Variants in FARS2 observed in about 807,000 individuals in gnomAD.
The protein encoded by FARS2 is phenylalanine--tRNA ligase, mitochondrial.
FARS2 carries 40 observed loss-of-function variants against 46.4 expected under a neutral mutation model. The observed-to-expected ratio is 0.86, with a 90% CI of 0.67 to 1.12. The LOEUF is 1.12. Among genes scored for constraint, FARS2 ranks in the 50% most tolerant of loss-of-function variants. The pLI is 0.00. For missense variants in FARS2, 513 were observed against 567.9 expected (o/e 0.90, Z 0.98); for synonymous variants, 234 against 214.9 (o/e 1.09, Z -0.78).
intron 4 of FARS2, among the ~76,000 whole-genome samples, chr6:5,483,120 AGATAC>A (rs1190427630): frequency 6.6e-6 from 1 of 152,212 alleles, no homozygotes; most frequent in East Asian, 1.9e-4. Flanking sequence ...GCTGGTGGAT[AGATAC>A]CCCAAACTGC....
intron 4 of FARS2, among the ~76,000 whole-genome samples, chr6:5,540,831 T>C (rs1360629548): frequency 6.6e-6 from 1 of 152,184 alleles, no homozygotes; most frequent in Non-Finnish European, 1.5e-5. Context: ...AATACTTCAA[T>C]GAAGTTTTAG....
At chr6:5,444,443 G>C (rs1764035247) in intron 4 of FARS2, among the ~76,000 whole-genome samples, 2 of 130,742 alleles carry the variant, frequency 1.5e-5, no homozygotes, top group East Asian at 4.8e-4. Context: ...CTCCAGCCTG[G>C]GTGACAAGGC....
chr6:5,658,296 A>T (rs999313386), intron 6 of FARS2, among the ~76,000 whole-genome samples: 1 of 151,460 alleles, frequency 6.6e-6, no homozygotes, highest in African/African-American at 2.4e-5. Flanking sequence ...AGTGCCTGGC[A>T]CAAAATAATT....
chr6:5,254,082 G>GT, the FARS2 span, among the ~76,000 whole-genome samples: 6 of 152,158 alleles, frequency 3.9e-5, no homozygotes, highest in African/African-American at 1.4e-4. Flanking sequence ...CGGCAAAACT[G>GT]TTTCATCTGA....
intron 6 of FARS2, among the ~76,000 whole-genome samples, chr6:5,617,144 TA>T (rs945999605): frequency 6.6e-6 from 1 of 151,962 alleles, no homozygotes; most frequent in Non-Finnish European, 1.5e-5. Context: ...AAAAAATAAA[TA>T]TTTTTCTAAA....
At chr6:5,491,306 C>T (rs1767093378) in intron 4 of FARS2, among the ~76,000 whole-genome samples, 1 of 152,018 alleles carries the variant, frequency 6.6e-6, no homozygotes, top group Non-Finnish European at 1.5e-5. Flanking sequence ...TGTTTTCTTC[C>T]CTGAAAATTT....
At chr6:5,675,561 C>G (rs767827711) in intron 6 of FARS2, among the ~76,000 whole-genome samples, 13 of 152,150 alleles carry the variant, frequency 8.5e-5, no homozygotes, top group Non-Finnish European at 1.5e-4. Context: ...TCCTGTTCAG[C>G]TAGGATAAAT....
chr6:5,563,766 G>A (rs147326089), intron 5 of FARS2, among the ~76,000 whole-genome samples: 9 of 151,992 alleles, frequency 5.9e-5, no homozygotes, highest in Non-Finnish European at 1.0e-4. Context: ...GAGTATACAG[G>A]GTCCAAATAC....
At chr6:5,564,673 C>T (rs1772223217) in intron 5 of FARS2, among the ~76,000 whole-genome samples, 1 of 152,186 alleles carries the variant, frequency 6.6e-6, no homozygotes, top group Non-Finnish European at 1.5e-5. Flanking sequence ...GTTATTTTTA[C>T]ATAGACCTTT....
At chr6:5,708,338 A>G (rs1019224552) in intron 6 of FARS2, among the ~76,000 whole-genome samples, 13 of 152,174 alleles carry the variant, frequency 8.5e-5, no homozygotes, top group Non-Finnish European at 1.8e-4. Flanking sequence ...TCACTCTCTT[A>G]TCAGGATGTG....
intron 4 of FARS2, among the ~76,000 whole-genome samples, chr6:5,542,673 A>C (rs1035668552): frequency 6.6e-6 from 1 of 152,238 alleles, no homozygotes; most frequent in Non-Finnish European, 1.5e-5. Flanking sequence ...CCAGTTGAGA[A>C]ATATTGGTTT....
chr6:5,733,410 ATTTTC>A (rs1554130379), intron 6 of FARS2, among the ~76,000 whole-genome samples: 3 of 152,146 alleles, frequency 2.0e-5, no homozygotes, highest in Non-Finnish European at 4.4e-5. Context: ...CACGTGGGCC[ATTTTC>A]TTTAATCTAT....
intron 4 of FARS2, among the ~76,000 whole-genome samples, chr6:5,488,843 T>C (rs116531111): frequency 6.6e-6 from 1 of 152,130 alleles, no homozygotes; most frequent in African/African-American, 2.4e-5. Context: ...GACACACACA[T>C]GTACATGCCT....
At position 5,569,514 on chromosome 6, in the gene FARS2, C is replaced by T. The variant is rs1051874967; in HGVS notation, c.1065+24174C>T. On this transcript the variant is annotated intron_variant, in intron 5 of 6. Transcript: ENST00000274680. ...TGCTGGGATTACAGGCGTGAGCCAC[C>T]GTATTTGAGCAGGAATATAAAAATG... Among the ~76,000 whole-genome samples the T allele has an allele frequency of 5.3e-5, 8 of 152,230 alleles. No homozygotes were observed. The East Asian group carries it at 1.5e-3, about 29-fold the overall frequency.
chr6:5,399,165 TATTATTATTATC>T (rs1189874876), intron 2 of FARS2, among the ~76,000 whole-genome samples: 4,084 of 123,962 alleles, frequency 0.033, 92 homozygotes, highest in East Asian at 0.082. Flanking sequence ...TTATTATTAT[TATTATTATTATC>T]ATCATCATCA....
At chr6:5,449,438 A>T (rs1764363801) in intron 4 of FARS2, among the ~76,000 whole-genome samples, 2 of 152,022 alleles carry the variant, frequency 1.3e-5, no homozygotes, top group South Asian at 4.1e-4. Flanking sequence ...ATTATTATAA[A>T]GAAAGAAGAG....
intron 5 of FARS2, among the ~76,000 whole-genome samples, chr6:5,601,524 C>CA (rs70975920): frequency 0.01 from 940 of 92,062 alleles, 77 homozygotes; most frequent in African/African-American, 0.038. Context: ...AACTCCATCA[C>CA]AAAAAAAAAA....
chr6:5,460,136 A>G (rs1024358650), intron 4 of FARS2, among the ~76,000 whole-genome samples: 2 of 152,224 alleles, frequency 1.3e-5, no homozygotes, highest in Non-Finnish European at 2.9e-5. Flanking sequence ...TCTCTTTCAC[A>G]TAACTTTTTC....
intron 2 of FARS2, among the ~76,000 whole-genome samples, chr6:5,376,320 G>A (rs908941622): frequency 1.3e-5 from 2 of 152,126 alleles, no homozygotes; most frequent in Non-Finnish European, 2.9e-5. Flanking sequence ...ACAAGAAAAT[G>A]CAAATTAAAA....
Sources: allele counts gnomAD v4.1 joint callset (sites outside exome capture counted in the v4.1 genomes callset), GRCh38; gene constraint gnomAD v4.1.1; transcripts MANE v1.5; gene names NCBI Gene and HGNC (gene_info 2026-07-23, HGNC 2026-07-21).